XIRP2: variants seen among roughly 807,000 people sequenced by gnomAD.
The protein encoded by XIRP2 is xin actin-binding repeat-containing protein 2.
XIRP2 carries 236 observed loss-of-function variants against 277.0 expected under a neutral mutation model. The ratio of observed to expected loss-of-function variants is 0.85; its 90% CI spans 0.77 to 0.95. The LOEUF is 0.95. Among genes scored for constraint, XIRP2 ranks in the 40% least tolerant of loss-of-function variants. The pLI is 0.00. For synonymous variants in XIRP2, 1,490 were observed against 1,416.5 expected, an observed-to-expected ratio of 1.05 and a Z score of -1.17; for missense variants, 4,640 against 4,157.5, an observed-to-expected ratio of 1.12 and a Z score of -3.19.
At chr2:167,096,254 ACTT>A (rs1373467015) in intron 2 of XIRP2, among the ~76,000 whole-genome samples, 3 of 151,730 alleles carry the variant, frequency 2.0e-5, no homozygotes, top group South Asian at 2.1e-4. Context: ...CAGGGATTTG[ACTT>A]CTTCTTGGTT....
At chr2:166,966,611 T>C (rs1164030142) in intron 2 of XIRP2, among the ~76,000 whole-genome samples, 1 of 151,918 alleles carries the variant, frequency 6.6e-6, no homozygotes, top group East Asian at 1.9e-4. Flanking sequence ...TTTATTCTCC[T>C]CCATCTTCTA....
intron 1 of XIRP2, among the ~76,000 whole-genome samples, chr2:166,899,967 AT>A (rs201802020): frequency 5.3e-5 from 8 of 150,162 alleles, no homozygotes; most frequent in Admixed American, 1.3e-4. Flanking sequence ...GACTACCAGG[AT>A]TTTTTTTTTA....
Position 167,243,343 on chromosome 2 carries a change from G to A in XIRP2, c.1951G>A (p.Val651Ile), listed in dbSNP as rs1420043163. ...EKIPELARGD[V>I]CTARWMFETR... The stretch of plus-strand genomic sequence containing the variant: ...AATTCCTGAGCTAGCCAGAGGAGAT[G>A]TCTGCACAGCTCGGTGGATGTTTGA... Residue 651 changes from valine to isoleucine, a missense_variant, in exon 9 of 11, where the codon GTC (valine) becomes ATC (isoleucine). By Grantham distance (29) the Val-to-Ile change is conservative (BLOSUM62 3). Transcript: ENST00000409195. The A allele has an allele frequency of 1.2e-6, 2 of 1,614,022 alleles. No individual in the cohort carries two copies. The highest frequency in any genetic ancestry group is 2.2e-5 in the East Asian group (1 of 44,880).
intron 3 of XIRP2, among the ~76,000 whole-genome samples, chr2:167,158,035 G>C (rs541395529): frequency 6.6e-6 from 1 of 152,140 alleles, no homozygotes; most frequent in Non-Finnish European, 1.5e-5. Flanking sequence ...CAGTGTTCTA[G>C]TTGTGCCGTA....
intron 2 of XIRP2, among the ~76,000 whole-genome samples, chr2:167,030,581 G>GTTAGGATTTCCATTCTTT (rs1290572006): frequency 6.6e-6 from 1 of 152,134 alleles, no homozygotes; most frequent in Admixed American, 6.6e-5. Flanking sequence ...CTGAGAGACT[G>GTTAGGATTTCCATTCTTT]TTAGGATTTC....
At chr2:167,106,089 T>C (rs1006464310) in intron 2 of XIRP2, among the ~76,000 whole-genome samples, 4 of 151,536 alleles carry the variant, frequency 2.6e-5, no homozygotes, top group African/African-American at 4.8e-5. Context: ...TTGACACATA[T>C]GTGATTTGCA....
rs547899473 is a variant in XIRP2 at position 166,907,047 on chromosome 2, C to T, written c.408+3157C>T. Among the ~76,000 whole-genome samples, 98 of 152,246 alleles carry T rather than the reference C, an allele frequency of 6.4e-4. 3 individuals carry two copies. The highest frequency in any genetic ancestry group is 2.2e-3 in the African/African-American group (92 of 41,574). ...TTCTAACATAATTACAATAGAAAAT[C>T]AGTGAGAAATTCTTAAAATAATTTT... On this transcript the variant is annotated intron_variant, in intron 2 of 10. Transcript: ENST00000409195.
At chr2:166,977,148 A>G (rs1686736827) in intron 2 of XIRP2, among the ~76,000 whole-genome samples, 1 of 152,078 alleles carries the variant, frequency 6.6e-6, no homozygotes, top group Admixed American at 6.6e-5. Flanking sequence ...GATTTTTGCA[A>G]AATCCTTTTT....
chr2:166,978,537 T>G (rs1406100286), intron 2 of XIRP2, among the ~76,000 whole-genome samples: 2 of 152,194 alleles, frequency 1.3e-5, no homozygotes, highest in African/African-American at 4.8e-5. Flanking sequence ...ATTTATTTAT[T>G]TTTAACTTTC....
intron 3 of XIRP2, among the ~76,000 whole-genome samples, chr2:167,170,892 T>C (rs1692668227): frequency 6.9e-6 from 1 of 144,906 alleles, no homozygotes; most frequent in Non-Finnish European, 1.5e-5. Context: ...TTTGCCTTTC[T>C]TCTTTTTTTT....
intron 2 of XIRP2, among the ~76,000 whole-genome samples, chr2:166,935,747 C>CT (rs1489065040): frequency 2.3e-4 from 35 of 152,080 alleles, no homozygotes; most frequent in Admixed American, 2.2e-3. Context: ...TGAACTCATC[C>CT]TTTTTTGTGG....
intron 2 of XIRP2, among the ~76,000 whole-genome samples, chr2:167,085,139 T>A (rs1217486021): frequency 6.6e-6 from 1 of 150,770 alleles, no homozygotes. Flanking sequence ...TCTGGTATGT[T>A]GTGTCTTTGG....
chr2:167,253,016 T>A (rs558918161), intron 9 of XIRP2, among the ~76,000 whole-genome samples: 1 of 151,880 alleles, frequency 6.6e-6, no homozygotes, highest in East Asian at 1.9e-4. Context: ...AACATAAAAA[T>A]GTGTCCTCTA....
chr2:167,217,783 T>C (rs1298242834), intron 4 of XIRP2, among the ~76,000 whole-genome samples: 1 of 152,158 alleles, frequency 6.6e-6, no homozygotes, highest in East Asian at 1.9e-4. Flanking sequence ...TATAGATGTT[T>C]GGGATTTTAA....
At chr2:167,112,432 G>A (rs1217482778) in intron 2 of XIRP2, among the ~76,000 whole-genome samples, 1 of 151,264 alleles carries the variant, frequency 6.6e-6, no homozygotes, top group Non-Finnish European at 1.5e-5. Flanking sequence ...AAGTCATTCC[G>A]GAGCATTCAG....
chr2:167,210,332 T>C (rs940720007), intron 3 of XIRP2, among the ~76,000 whole-genome samples: 1 of 152,198 alleles, frequency 6.6e-6, no homozygotes, highest in Non-Finnish European at 1.5e-5. Context: ...GTGACTCTCA[T>C]TTTCTTATAT....
intron 2 of XIRP2, among the ~76,000 whole-genome samples, chr2:167,058,193 G>A (rs976292795): frequency 1.6e-4 from 25 of 151,888 alleles, no homozygotes; most frequent in African/African-American, 6.0e-4. Context: ...CTCCTGAGTA[G>A]CTGGGACTAC....
At chr2:167,009,006 C>A (rs1307055562) in intron 2 of XIRP2, among the ~76,000 whole-genome samples, 1 of 151,086 alleles carries the variant, frequency 6.6e-6, no homozygotes, top group African/African-American at 2.4e-5. Context: ...AGATTAATTT[C>A]TTTTATATTA....
Position 167,245,661 on chromosome 2 carries a change from A to G in XIRP2, c.4269A>G (p.Gln1423=), listed in dbSNP as rs1695231347. The change falls in exon 9 of 11, where the codon CAA becomes CAG. Residue 1423 remains glutamine (Q), a synonymous_variant. Transcript: ENST00000409195. ...GTGGCAATGTAAAGACAAGTAGACAATTCTTTGAGTCTGAAAATTTTGATA... is the reference window on the plus strand; with the variant it reads ...GTGGCAATGTAAAGACAAGTAGACAGTTCTTTGAGTCTGAAAATTTTGATA... ...IQGGNVKTSR[Q]FFESENFDKN... The G allele has an allele frequency of 6.2e-7, 1 of 1,613,506 alleles. No homozygotes were observed. The highest frequency in any genetic ancestry group is 1.1e-5 in the South Asian group (1 of 91,076).
Sources: allele counts gnomAD v4.1 joint callset (sites outside exome capture counted in the v4.1 genomes callset), GRCh38; gene constraint gnomAD v4.1.1; transcripts MANE v1.5; gene names NCBI Gene and HGNC (gene_info 2026-07-23, HGNC 2026-07-21).